PTPRT: variants seen among roughly 807,000 people sequenced by gnomAD.
PTPRT encodes receptor-type tyrosine-protein phosphatase T.
A neutral mutation model predicts 176.8 loss-of-function variants in PTPRT; 56 were observed. That is an observed-to-expected ratio of 0.32 (90% CI 0.26 to 0.40). The LOEUF (loss-of-function observed/expected upper bound fraction) is 0.40. PTPRT is among the 10% of genes least tolerant of loss of function. The pLI is 1.00. For synonymous variants in PTPRT, 783 were observed against 739.0 expected, an observed-to-expected ratio of 1.06 and a Z score of -0.96; for missense variants, 1,540 against 1,908.2, an observed-to-expected ratio of 0.81 and a Z score of 3.60.
chr20:42,625,750 C>T (rs1226351421), intron 7 of PTPRT, among the ~76,000 whole-genome samples: 2 of 152,018 alleles, frequency 1.3e-5, no homozygotes, highest in African/African-American at 4.8e-5. Context: ...AAACAGTCAA[C>T]TCGGAGATCA....
Position 43,189,343 on chromosome 20 carries a change from A to C in PTPRT, c.88+303T>G, listed in dbSNP as rs1378645175. Among the ~76,000 whole-genome samples the C allele has an allele frequency of 6.6e-6, 1 of 152,166 alleles. No individual in the cohort carries two copies. The highest frequency in any genetic ancestry group is 1.5e-5 in the Non-Finnish European group (1 of 68,036). ...TGGCAGATTCCGACAAGTGGGAGGC[A>C]GCAAGTGGAAATATTCGCAACAACC... On this transcript the variant is annotated intron_variant, in intron 1 of 30. Transcript: ENST00000373187. The surrounding 1 kb of genome is among the most constrained non-coding windows in gnomAD (Gnocchi z 5.0).
chr20:42,098,856 C>T (rs1332427079), intron 26 of PTPRT, among the ~76,000 whole-genome samples: 1 of 152,238 alleles, frequency 6.6e-6, no homozygotes, highest in East Asian at 1.9e-4. Context: ...TGAAAGATTT[C>T]AGATGCAGAT....
chr20:42,039,209 G>T, the PTPRT span, among the ~76,000 whole-genome samples: 4 of 152,090 alleles, frequency 2.6e-5, no homozygotes, highest in Non-Finnish European at 5.9e-5. Context: ...TTTTAAAAAT[G>T]TTTATTTTAA....
At chr20:42,492,269 C>A (rs948117108) in intron 7 of PTPRT, among the ~76,000 whole-genome samples, 1 of 152,130 alleles carries the variant, frequency 6.6e-6, no homozygotes, top group Non-Finnish European at 1.5e-5. Flanking sequence ...AGGCAAAGTA[C>A]CTTCCAGAGC....
chr20:42,062,935 G>T, the PTPRT span, among the ~76,000 whole-genome samples: 7 of 152,214 alleles, frequency 4.6e-5, no homozygotes, highest in African/African-American at 1.7e-4. Context: ...CACTTCTTCA[G>T]GTTCAGCCAG....
Position 42,110,461 on chromosome 20 carries a change from G to A in PTPRT, c.3126C>T (p.Leu1042=), listed in dbSNP as rs772716414. The A allele has an allele frequency of 1.2e-6, 2 of 1,610,270 alleles. No homozygotes were observed. Among genetic ancestry groups the A allele is most frequent in the South Asian group, 1.1e-5 (1 of 90,730 alleles). ...GCCAGCTGGTGAAGTGGAAGAGGCGGAGCTCCCGGATCTCATGGTAGCCTT... is the reference window on the plus strand; with the variant it reads ...GCCAGCTGGTGAAGTGGAAGAGGCGAAGCTCCCGGATCTCATGGTAGCCTT... ...QKKGYHEIRE[L]RLFHFTSWPD... Residue 1042 remains leucine, a synonymous_variant, in exon 23 of 31, where the codon CTC becomes CTT. Transcript: ENST00000373187.
rs56658786 is a variant in PTPRT, at chr20:42,759,040, C to T, written c.685-2404G>A. On this transcript the variant is annotated intron_variant, in intron 5 of 30. Transcript: ENST00000373187. ...TGCAGGGAGAAAGGCGGGAAAATTC[C>T]GGCAAACACCAGGAATGTATCCTGA... Among the ~76,000 whole-genome samples the T allele has an allele frequency of 1.3e-3, 199 of 152,228 alleles. No individual in the cohort carries two copies. In the East Asian group the frequency reaches 0.016, roughly 12 times the overall value.
Position 42,468,774 on chromosome 20 carries a change from G to A in PTPRT, c.1450+3492C>T, listed in dbSNP as rs530854774. 2.6e-5 allele frequency among the ~76,000 whole-genome samples: 4 copies of A among 152,104 alleles called. No homozygotes were observed. In the South Asian group the frequency reaches 6.2e-4, roughly 24 times the overall value. On this transcript the variant is annotated intron_variant, in intron 8 of 30. Coordinates refer to ENST00000373187, the MANE Select transcript of PTPRT (RefSeq NM_007050.6). Reference sequence around the variant, plus strand: ...AAAAGGTGCCCTGAGCTGCTCCTTGGGAAAACCTTATTGTTCATCTCCTGA... The same window carrying A: ...AAAAGGTGCCCTGAGCTGCTCCTTGAGAAAACCTTATTGTTCATCTCCTGA...
intron 9 of PTPRT, among the ~76,000 whole-genome samples, chr20:42,418,420 C>A (rs1384256287): frequency 6.6e-6 from 1 of 152,074 alleles, no homozygotes; most frequent in Non-Finnish European, 1.5e-5. Context: ...CAAAACTGAC[C>A]ACATTATCAG....
intron 9 of PTPRT, among the ~76,000 whole-genome samples, chr20:42,401,121 A>G (rs2058902067): frequency 7.0e-6 from 1 of 142,694 alleles, no homozygotes; most frequent in Non-Finnish European, 1.5e-5. Context: ...TAACTAAAAA[A>G]TGTCAAAACA....
intron 7 of PTPRT, among the ~76,000 whole-genome samples, chr20:42,546,273 G>C (rs975446381): frequency 6.6e-6 from 1 of 152,126 alleles, no homozygotes; most frequent in African/African-American, 2.4e-5. Flanking sequence ...AAAAAGGGGG[G>C]AAATAATGTA....
At chr20:42,341,870 C>T (rs1359866820) in intron 11 of PTPRT, among the ~76,000 whole-genome samples, 1 of 152,174 alleles carries the variant, frequency 6.6e-6, no homozygotes, top group Non-Finnish European at 1.5e-5. Context: ...ATCGACTGCT[C>T]CATTTAAAAT....
intron 1 of PTPRT, among the ~76,000 whole-genome samples, chr20:43,023,836 C>G (rs1985803088): frequency 6.6e-6 from 1 of 152,114 alleles, no homozygotes; most frequent in Non-Finnish European, 1.5e-5. Context: ...ACCCTTTACC[C>G]CAGATGTCTC....
At chr20:42,967,839 A>G (rs1982390217) in intron 1 of PTPRT, among the ~76,000 whole-genome samples, 1 of 151,946 alleles carries the variant, frequency 6.6e-6, no homozygotes, top group Non-Finnish European at 1.5e-5. Context: ...AGATGTCAGG[A>G]AGAAATTCCA....
intron 9 of PTPRT, among the ~76,000 whole-genome samples, chr20:42,363,281 TATATATATATATATATA>T (rs1391261115): frequency 6.2e-5 from 1 of 16,082 alleles, no homozygotes; most frequent in African/African-American, 2.7e-4. Flanking sequence ...TATATATATA[TATATATATATATATATA>T]TATTTTTTTT....
At chr20:43,036,004 T>TC (rs1244310720) in intron 1 of PTPRT, among the ~76,000 whole-genome samples, 3 of 152,002 alleles carry the variant, frequency 2.0e-5, no homozygotes, top group African/African-American at 7.2e-5. Flanking sequence ...TAACACTCAT[T>TC]CCCCTGGGCA....
chr20:42,971,675 T>C (rs1199108212), intron 1 of PTPRT, among the ~76,000 whole-genome samples: 2 of 152,152 alleles, frequency 1.3e-5, no homozygotes, highest in Non-Finnish European at 2.9e-5. Context: ...AAAGATTCCC[T>C]AAATATTCCC....
At chr20:42,255,616 C>G (rs1600734727) in intron 13 of PTPRT, among the ~76,000 whole-genome samples, 1 of 152,122 alleles carries the variant, frequency 6.6e-6, no homozygotes, top group Non-Finnish European at 1.5e-5. Flanking sequence ...TTAATGGCAG[C>G]AATAACATAA....
chr20:43,141,658 A>G (rs921334510), intron 1 of PTPRT, among the ~76,000 whole-genome samples: 20 of 152,234 alleles, frequency 1.3e-4, no homozygotes, highest in African/African-American at 4.1e-4. Flanking sequence ...TTGCAAGGGT[A>G]TGGACAGATG....
Sources: allele counts gnomAD v4.1 joint callset (sites outside exome capture counted in the v4.1 genomes callset), GRCh38; gene constraint gnomAD v4.1.1; non-coding constraint Gnocchi (gnomAD v3.1); transcripts MANE v1.5; gene names NCBI Gene and HGNC (gene_info 2026-07-23, HGNC 2026-07-21).